RAD51B: variants seen among roughly 807,000 people sequenced by gnomAD.
The protein encoded by RAD51B is RAD51 paralog B.
In RAD51B, 38 loss-of-function variants were observed where a neutral mutation model predicts 42.2. The ratio of observed to expected loss-of-function variants is 0.90; its 90% CI spans 0.70 to 1.18. The LOEUF is 1.18. Ranked by LOEUF, RAD51B falls within the 50% of genes most tolerant of loss-of-function variation. RAD51B has a pLI of 0.00. For synonymous variants in RAD51B, 154 were observed against 145.2 expected (o/e 1.06, Z -0.43); for missense variants, 373 against 400.7 (o/e 0.93, Z 0.59).
At chr14:68,238,861 G>T (rs1251657065) in intron 7 of RAD51B, among the ~76,000 whole-genome samples, 3 of 152,208 alleles carry the variant, frequency 2.0e-5, no homozygotes, top group Non-Finnish European at 4.4e-5. Flanking sequence ...CCTTGGGCAA[G>T]ATGTGTTGCT....
intron 7 of RAD51B, among the ~76,000 whole-genome samples, chr14:67,928,393 TGA>T (rs1417724022): frequency 6.6e-6 from 1 of 152,108 alleles, no homozygotes; most frequent in African/African-American, 2.4e-5. Context: ...AGGGGGGCTC[TGA>T]GAGAGAAACC....
Position 67,893,509 on chromosome 14 carries a change from C to CAA in RAD51B, c.756+6313_756+6314dup, listed in dbSNP as rs71129863. ...ACACACACACACACACACACACACA[C>CAA]AAAAAAAAACAATTAGCTGGGTGTG... On this transcript the variant is annotated intron_variant, in intron 7 of 10. Transcript: ENST00000471583. 3.8e-3 allele frequency among the ~76,000 whole-genome samples: 318 copies of CAA among 83,766 alleles called. 13 individuals carry two copies. The highest frequency in any genetic ancestry group is 9.3e-3 in the African/African-American group (197 of 21,106). The allele number at this position is 83,766 out of a possible 152,430, so 55.0% of individuals were successfully genotyped here. A position where few individuals can be genotyped will look rare whatever the true frequency, so the allele number is the denominator to read the frequency against.
intron 7 of RAD51B, among the ~76,000 whole-genome samples, chr14:68,116,169 G>C (rs1404728234): frequency 2.6e-5 from 4 of 151,988 alleles, no homozygotes; most frequent in Non-Finnish European, 5.9e-5. Context: ...TTTGACTGGT[G>C]GAAATTATTG....
intron 10 of RAD51B, among the ~76,000 whole-genome samples, chr14:68,476,527 A>G (rs551866407): frequency 2.0e-5 from 3 of 152,186 alleles, no homozygotes; most frequent in Non-Finnish European, 4.4e-5. Context: ...TTTTTTGTCA[A>G]TTAAAATGTG....
At chr14:68,551,857 G>A (rs554910286) in intron 10 of RAD51B, among the ~76,000 whole-genome samples, 10 of 152,302 alleles carry the variant, frequency 6.6e-5, no homozygotes, top group East Asian at 3.9e-4. Context: ...TGCCAAGAGC[G>A]TAGGTAATAA....
At chr14:68,607,779 C>T (rs1891508883) in intron 10 of RAD51B, among the ~76,000 whole-genome samples, 2 of 152,112 alleles carry the variant, frequency 1.3e-5, no homozygotes. Context: ...CTAAGGAGGG[C>T]CAAAGCCATT....
At chr14:67,922,067 A>G (rs930976955) in intron 7 of RAD51B, among the ~76,000 whole-genome samples, 2 of 152,338 alleles carry the variant, frequency 1.3e-5, no homozygotes, top group Admixed American at 1.3e-4. Flanking sequence ...CCAGCTTTGG[A>G]TCAAGTTGCC....
At chr14:68,117,698 T>G (rs1292080729) in intron 7 of RAD51B, among the ~76,000 whole-genome samples, 1 of 152,250 alleles carries the variant, frequency 6.6e-6, no homozygotes, top group Non-Finnish European at 1.5e-5. Flanking sequence ...ACTTTTCTTT[T>G]ACTTACTGAG....
At chr14:68,472,995 A>G (rs1053366684) in intron 10 of RAD51B, among the ~76,000 whole-genome samples, 7 of 152,012 alleles carry the variant, frequency 4.6e-5, no homozygotes, top group Admixed American at 4.6e-4. Flanking sequence ...TTCCCACCCC[A>G]TTTTTTTAGT....
In RAD51B at chr14:67,926,215, C is replaced by T. The variant is rs185042358; in HGVS notation, c.756+39011C>T. Among the ~76,000 whole-genome samples, 682 of 152,272 alleles carry T rather than the reference C, an allele frequency of 4.5e-3. 9 individuals are homozygous for T. The highest frequency in any genetic ancestry group is 0.016 in the African/African-American group (650 of 41,562). ...TGCACATTTTCTAAACTTTTATATT[C>T]TGCTTCCCTTATAAAACTGAATGCC... On this transcript the variant is annotated intron_variant, in intron 7 of 10. Transcript: ENST00000471583.
At chr14:68,203,991 A>G (rs2079538730) in intron 7 of RAD51B, among the ~76,000 whole-genome samples, 1 of 152,180 alleles carries the variant, frequency 6.6e-6, no homozygotes, top group Non-Finnish European at 1.5e-5. Context: ...AACTACTAAA[A>G]TTCTCCCTAT....
intron 8 of RAD51B, among the ~76,000 whole-genome samples, chr14:68,304,900 C>T (rs987393021): frequency 3.3e-5 from 5 of 152,186 alleles, no homozygotes; most frequent in African/African-American, 1.2e-4. Context: ...CATCTATGAG[C>T]ATTTTGTCAC....
intron 7 of RAD51B, among the ~76,000 whole-genome samples, chr14:68,027,447 T>C (rs989319225): frequency 6.6e-6 from 1 of 152,138 alleles, no homozygotes; most frequent in Non-Finnish European, 1.5e-5. Flanking sequence ...TTGCTTACTC[T>C]CTTTTTTTCT....
At chr14:68,553,489 A>G (rs2140387838) in intron 10 of RAD51B, among the ~76,000 whole-genome samples, 1 of 152,274 alleles carries the variant, frequency 6.6e-6, no homozygotes, top group African/African-American at 2.4e-5. Flanking sequence ...AAGACGAGCC[A>G]TCTACTGCGA....
chr14:68,235,703 CAAAAAAA>C (rs57180468), intron 7 of RAD51B, among the ~76,000 whole-genome samples: 169 of 14,034 alleles, frequency 0.012, 1 homozygote, highest in African/African-American at 0.026. Context: ...GACTCCGTCT[CAAAAAAA>C]AAAAAAAAAA....
intron 11 of RAD51B, among the ~76,000 whole-genome samples, chr14:68,674,037 C>T (rs1417142305): frequency 2.0e-5 from 3 of 152,060 alleles, no homozygotes; most frequent in African/African-American, 7.3e-5. Flanking sequence ...ACTGTATGCA[C>T]ACATATATAC....
At chr14:68,475,662 T>C (rs531690243) in intron 10 of RAD51B, among the ~76,000 whole-genome samples, 1 of 152,182 alleles carries the variant, frequency 6.6e-6, no homozygotes, top group Admixed American at 6.5e-5. Context: ...CTTTTTTTTT[T>C]CCAAAATGTT....
intron 8 of RAD51B, among the ~76,000 whole-genome samples, chr14:68,364,052 A>C (rs915262998): frequency 6.6e-6 from 1 of 152,156 alleles, no homozygotes; most frequent in South Asian, 2.1e-4. Context: ...TGGCGAAGGA[A>C]GTATCTGCTG....
chr14:67,848,098 A>G (rs527558931), intron 4 of RAD51B, among the ~76,000 whole-genome samples: 1 of 152,196 alleles, frequency 6.6e-6, no homozygotes, highest in African/African-American at 2.4e-5. Flanking sequence ...GCTCACTCCA[A>G]ACTCCGACTC....
Sources: gnomAD v4.1 joint callset for allele counts (sites outside exome capture counted in the v4.1 genomes callset) on GRCh38, gnomAD v4.1.1 for gene constraint, MANE v1.5 for transcripts, NCBI Gene and HGNC (gene_info 2026-07-23, HGNC 2026-07-21) for gene names.